The following A2M variants were observed in gnomAD, a reference collection of about 807,000 sequenced individuals.
The protein encoded by A2M is C3 and PZP-like alpha-2-macroglobulin domain-containing protein 5.
A2M carries 128 observed loss-of-function variants against 183.9 expected under a neutral mutation model. That is an observed-to-expected ratio of 0.70 (90% CI 0.60 to 0.81). A2M has a LOEUF of 0.81. Ranked by LOEUF, A2M falls within the 30% of genes least tolerant of loss-of-function variation. A2M has a pLI of 0.00. For synonymous variants in A2M, 592 were observed against 670.8 expected (o/e 0.88, Z 1.81); for missense variants, 1,495 against 1,787.6 (o/e 0.84, Z 2.95).
chr12:9,094,370 T>C (rs1355505937), intron 17 of A2M, among the ~76,000 whole-genome samples: 1 of 144,850 alleles, frequency 6.9e-6, no homozygotes, highest in Non-Finnish European at 1.5e-5. Context: ...TATATATATA[T>C]ATATACCTAT....
intron 18 of A2M, 38 bp from the exon 19 acceptor site, chr12:9,091,467 G>T: frequency 6.2e-7 from 1 of 1,603,060 alleles, no homozygotes; most frequent in Non-Finnish European, 8.5e-7. Flanking sequence ...AAAGTAAGCA[G>T]TTAAATACAT....
At chr12:9,112,083 C>G (rs775963926) in intron 4 of A2M, 76 bp downstream of exon 4, 62 of 1,399,342 alleles carry the variant, frequency 4.4e-5, no homozygotes, top group Non-Finnish European at 5.9e-5. Context: ...TCTCCCTGGT[C>G]TTCCCTCAGC....
At position 9,089,958 on chromosome 12, in the gene A2M, G is replaced by A. The variant is rs906267666; in HGVS notation, c.2662C>T (p.Pro888Ser). 1.9e-6 allele frequency: 3 copies of A among 1,612,412 alleles called. No homozygotes were observed. The highest frequency in any genetic ancestry group is 2.5e-6 in the Non-Finnish European group (3 of 1,178,800). ...ESQELCGTEV[P>S]SVPEHGRKDT... ...TTCCTTCCGTGTTCAGGAACTGAAG[G>A]CACCTCAGTCCCACACAGCTCTTGA... is the stretch of plus-strand genomic sequence containing the variant. Residue 888 changes from proline to serine, a missense_variant, in exon 21 of 36, where the codon CCT becomes TCT. Coordinates refer to ENST00000318602, the MANE Select transcript of A2M (RefSeq NM_000014.6).
At chr12:9,067,945 C>A in intron 35 of A2M, 106 bp from the exon 36 acceptor site, 1 of 1,155,548 alleles carries the variant, frequency 8.7e-7, no homozygotes, top group East Asian at 2.5e-5. Context: ...GAAACCTAAT[C>A]AGTACAGTGG....
At chr12:9,077,523 C>A in intron 26 of A2M, 103 bp from the exon 27 acceptor site, 1 of 1,463,464 alleles carries the variant, frequency 6.8e-7, no homozygotes, top group Non-Finnish European at 9.4e-7. Flanking sequence ...TACCCATATC[C>A]ATCCCTATAG....
chr12:9,106,156 T>C (rs774424341), intron 10 of A2M, 80 bp downstream of exon 10: 1 of 799,984 alleles, frequency 1.3e-6, no homozygotes, highest in Admixed American at 2.3e-5. Flanking sequence ...TAACCAGGCA[T>C]GGTTTTAGCA....
chr12:9,068,582 T>C (rs1020672410), intron 34 of A2M, among the ~76,000 whole-genome samples, 158 bp downstream of exon 34: 1 of 152,204 alleles, frequency 6.6e-6, no homozygotes, highest in Admixed American at 6.5e-5. Flanking sequence ...CTATAATGTA[T>C]GTATAAGAGA....
rs181147850 is a variant in A2M at position 9,088,419 on chromosome 12, G to A, written c.2770+781C>T. Among the ~76,000 whole-genome samples the A allele has an allele frequency of 7.2e-5, 11 of 152,194 alleles. 1 individual carries two copies. Among genetic ancestry groups the A allele is most frequent in the African/African-American group, 2.6e-4 (11 of 41,562 alleles). On this transcript the variant is annotated intron_variant, in intron 22 of 35. Coordinates refer to ENST00000318602, the MANE Select transcript of A2M (RefSeq NM_000014.6). ...AGAAACGGAGAAGTCATGATAAAAG[G>A]ATTGAATGATAGGTAATCAGTTCAC...
chr12:9,103,648 C>T (rs142601459), intron 11 of A2M, among the ~76,000 whole-genome samples: 3 of 152,268 alleles, frequency 2.0e-5, no homozygotes, highest in East Asian at 3.9e-4. Flanking sequence ...ACCCCATGTA[C>T]GTGAATCATA....
At chr12:9,109,529 C>A in intron 6 of A2M, 124 bp from the exon 7 acceptor site, 1 of 727,662 alleles carries the variant, frequency 1.4e-6, no homozygotes, top group South Asian at 1.8e-5. Flanking sequence ...GCTCTGCTCT[C>A]CAATCTATTC....
chr12:9,080,093 C>T lies in A2M; in HGVS notation c.2854+1G>A. ...GGATCCACTAGGGGCTGGAGACTCA[C>T]CCAAAACTGAGACAGAAGCTCGGGC... On this transcript the variant is annotated splice_donor_variant, in intron 23 of 35. Coordinates refer to ENST00000318602, the MANE Select transcript of A2M (RefSeq NM_000014.6). LOFTEE classifies it high-confidence loss of function. The T allele has an allele frequency of 1.3e-6, 2 of 1,579,704 alleles. No individual in the cohort carries two copies. Among genetic ancestry groups the T allele is most frequent in the South Asian group, 1.2e-5 (1 of 85,752 alleles).
intron 17 of A2M, among the ~76,000 whole-genome samples, chr12:9,094,484 A>G (rs1565592635): frequency 6.6e-6 from 1 of 151,464 alleles, no homozygotes; most frequent in Admixed American, 6.6e-5. Context: ...CATAGAGCCA[A>G]CTGATTCTCC....
At chr12:9,072,991 T>C (rs2137652102) in intron 29 of A2M, 120 bp from the exon 30 acceptor site, 1 of 685,464 alleles carries the variant, frequency 1.5e-6, no homozygotes, top group Non-Finnish European at 2.4e-6. Flanking sequence ...TACTTAAATA[T>C]AGGAGCTGTA....
chr12:9,081,521 A>G (rs1948906223), intron 22 of A2M, among the ~76,000 whole-genome samples: 1 of 152,226 alleles, frequency 6.6e-6, no homozygotes, highest in Non-Finnish European at 1.5e-5. Flanking sequence ...CACAGATCAG[A>G]AAATCTATTT....
chr12:9,108,226 T>C (rs751841045), intron 7 of A2M, among the ~76,000 whole-genome samples: 18 of 152,040 alleles, frequency 1.2e-4, no homozygotes, highest in Non-Finnish European at 2.4e-4. Flanking sequence ...CCTGGGTTCA[T>C]GCCATTCTCC....
chr12:9,113,665 G>T, intron 1 of A2M, 122 bp from the exon 2 acceptor site: 1 of 1,022,480 alleles, frequency 9.8e-7, no homozygotes. Flanking sequence ...ATGTACTGAT[G>T]AGCATGAAAT....
In A2M at chr12:9,072,345, T is replaced by A. The variant is rs777546048; in HGVS notation, c.4103+14A>T. On this transcript the variant is annotated intron_variant, in intron 31 of 35. Coordinates refer to ENST00000318602, the MANE Select transcript of A2M (RefSeq NM_000014.6). ...TTATTCTTAGGATTAGGTGATAGAG[T>A]CAGAAGGTCTTACCTGACACTTAGG... is the stretch of plus-strand genomic sequence containing the variant. The A allele has an allele frequency of 6.2e-7, 1 of 1,613,140 alleles. No individual in the cohort carries two copies. Among genetic ancestry groups the A allele is most frequent in the Non-Finnish European group, 8.5e-7 (1 of 1,179,686 alleles).
At chr12:9,111,900 T>A in intron 4 of A2M, 1 of 560,362 alleles carries the variant, frequency 1.8e-6, no homozygotes, top group South Asian at 1.6e-5. Context: ...ATCTTTCTAA[T>A]TGTCCTAATT....
Position 9,102,238 on chromosome 12 carries a change from C to G in A2M, c.1267-564G>C, listed in dbSNP as rs11048925. Reference sequence around the variant, plus strand: ...TGCTATTATTATTATTTTTTTGAGACAGGGTTTTGCTCTGGCGCCCATGCT... The same window carrying G: ...TGCTATTATTATTATTTTTTTGAGAGAGGGTTTTGCTCTGGCGCCCATGCT... On this transcript the variant is annotated intron_variant, in intron 11 of 35. Transcript: ENST00000318602. Among the ~76,000 whole-genome samples the G allele has an allele frequency of 4.5e-4, 68 of 152,180 alleles. 1 individual carries two copies. The East Asian group carries it at 0.01, about 23-fold the overall frequency.
Sources: gnomAD v4.1 joint callset for allele counts (sites outside exome capture counted in the v4.1 genomes callset) on GRCh38, gnomAD v4.1.1 for gene constraint, MANE v1.5 for transcripts, NCBI Gene and HGNC (gene_info 2026-07-23, HGNC 2026-07-21) for gene names.